LMF1: variants seen among roughly 807,000 people sequenced by gnomAD.
LMF1 encodes the protein lipase maturation factor 1, also known as transmembrane protein 112.
Under a neutral mutation model 60.6 loss-of-function variants are expected in LMF1, and 68 were observed. That is an observed-to-expected ratio of 1.12 (90% confidence interval 0.92 to 1.37). LMF1 has a LOEUF of 1.37. Among genes scored for constraint, LMF1 ranks in the 40% most tolerant of loss-of-function variants. LMF1 has a pLI of 0.00. For synonymous variants in LMF1, 418 were observed against 324.7 expected (o/e 1.29, Z -3.09); for missense variants, 948 against 767.2 (o/e 1.24, Z -2.78).
intron 1 of LMF1, among the ~76,000 whole-genome samples, chr16:964,983 G>A (rs755795089): frequency 6.6e-5 from 10 of 152,246 alleles, no homozygotes; most frequent in Admixed American, 1.3e-4. Flanking sequence ...CACGCCTAAA[G>A]GACAAAACTA....
At chr16:927,274 G>A (rs2071637651) in intron 3 of LMF1, among the ~76,000 whole-genome samples, 1 of 152,200 alleles carries the variant, frequency 6.6e-6, no homozygotes, top group Non-Finnish European at 1.5e-5. Context: ...TCCTTCCTAT[G>A]AAGAACACGA....
At chr16:979,496 G>A (rs1419210165) in intron 1 of LMF1, 3 of 375,818 alleles carry the variant, frequency 8.0e-6, no homozygotes, top group African/African-American at 2.1e-5. Flanking sequence ...GTTGGAGCCT[G>A]AGGCAGGGTC....
At chr16:862,449 A>C (rs2151689889) in intron 10 of LMF1, among the ~76,000 whole-genome samples, 1 of 152,248 alleles carries the variant, frequency 6.6e-6, no homozygotes, top group African/African-American at 2.4e-5. Flanking sequence ...CAGTCTATTT[A>C]GTAATATTTT....
At chr16:951,771 C>A (rs1474809033) in intron 2 of LMF1, among the ~76,000 whole-genome samples, 3 of 152,258 alleles carry the variant, frequency 2.0e-5, no homozygotes, top group African/African-American at 7.2e-5. Context: ...CCAGTGAAGA[C>A]TGCAGAGCGA....
intron 1 of LMF1, among the ~76,000 whole-genome samples, chr16:977,391 G>A (rs1308457710): frequency 2.0e-5 from 3 of 152,182 alleles, no homozygotes; most frequent in Non-Finnish European, 4.4e-5. Flanking sequence ...CCCGTCCGGG[G>A]GCGGGGCCTT....
At chr16:868,704 A>T (rs1490676732) in intron 10 of LMF1, among the ~76,000 whole-genome samples, 3 of 129,980 alleles carry the variant, frequency 2.3e-5, no homozygotes, top group African/African-American at 5.8e-5. Context: ...TCCTCTCACC[A>T]CGGCTGGTTT....
In LMF1 at chr16:854,544, G is replaced by T; in HGVS notation, c.1692C>A (p.Pro564=). Residue 564 remains proline (P), a synonymous_variant, in exon 11 of 11, where the codon CCC becomes CCA. Transcript: ENST00000262301. ...TTCTGGTGCACGTCTAGAGGGGCCC[G>T]GGCAGAGGCCACCCACGGTCCCTGA... ...PYFRDRGWPL[P]GPL The T allele has an allele frequency of 6.2e-7, 1 of 1,607,606 alleles. No homozygotes were observed.
At chr16:938,535 T>G (rs1036445714) in intron 2 of LMF1, among the ~76,000 whole-genome samples, 2 of 152,218 alleles carry the variant, frequency 1.3e-5, no homozygotes, top group African/African-American at 4.8e-5. Flanking sequence ...ACCCTAATGT[T>G]TAAGTTCATA....
rs60283096 is a variant in LMF1 at position 945,211 on chromosome 16, C to CAAA, written c.503+9143_503+9145dup. 1.5e-3 allele frequency among the ~76,000 whole-genome samples: 117 copies of CAAA among 79,010 alleles called. 2 individuals are homozygous for CAAA. The highest frequency in any genetic ancestry group is 6.2e-3 in the African/African-American group (107 of 17,208). The allele number at this position is 79,010 out of a possible 152,430, so 51.8% of individuals were successfully genotyped here. On this transcript the variant is annotated intron_variant, in intron 2 of 10. Transcript: ENST00000262301. ...GGGCGACAAGAGCGAGACTCCATCT[C>CAAA]AAAAAAAAAAAAAAAAAGGAAAATA...
chr16:950,048 C>G (rs541126866), intron 2 of LMF1, among the ~76,000 whole-genome samples: 3 of 67,270 alleles, frequency 4.5e-5, no homozygotes, highest in Admixed American at 1.6e-4. Flanking sequence ...GAGTCAGAGC[C>G]AACGACAGAG....
chr16:980,357 C>G (rs897194823), intron 1 of LMF1: 3 of 153,238 alleles, frequency 2.0e-5, no homozygotes, highest in African/African-American at 7.2e-5. Flanking sequence ...GCGTCCTGTG[C>G]GGTCGGTGGC....
chr16:957,737 C>T (rs12595928), intron 1 of LMF1, among the ~76,000 whole-genome samples: 1,921 of 152,258 alleles, frequency 0.013, 37 homozygotes, highest in South Asian at 0.11. Context: ...AAGGAAGAGC[C>T]GCAGAACTCA....
chr16:856,193 T>C, intron 10 of LMF1: 2 of 350,662 alleles, frequency 5.7e-6, no homozygotes, highest in Non-Finnish European at 1.1e-5. Context: ...CCCACTGCCC[T>C]GGGCCCCAGG....
intron 10 of LMF1, among the ~76,000 whole-genome samples, chr16:860,949 T>C (rs1769526425): frequency 6.6e-6 from 1 of 152,214 alleles, no homozygotes; most frequent in South Asian, 2.1e-4. Context: ...TTAGCTATTT[T>C]TGCTCCTTTA....
intron 2 of LMF1, among the ~76,000 whole-genome samples, chr16:946,310 G>C (rs749156268): frequency 6.6e-6 from 1 of 152,338 alleles, no homozygotes; most frequent in East Asian, 1.9e-4. Context: ...TGTGCTTTCC[G>C]AATTCACTGT....
At chr16:856,974 G>A (rs758646561) in intron 10 of LMF1, among the ~76,000 whole-genome samples, 3 of 152,208 alleles carry the variant, frequency 2.0e-5, no homozygotes, top group South Asian at 4.1e-4. Context: ...CCCGACCTTC[G>A]GCCTCCTTGT....
At chr16:940,260 T>C (rs1421570583) in intron 2 of LMF1, among the ~76,000 whole-genome samples, 1 of 152,076 alleles carries the variant, frequency 6.6e-6, no homozygotes, top group African/African-American at 2.4e-5. Context: ...GAAGAGTAAG[T>C]GTTTCTTGTT....
chr16:925,107 C>T (rs1040412655), intron 3 of LMF1, among the ~76,000 whole-genome samples: 7 of 152,328 alleles, frequency 4.6e-5, no homozygotes, highest in South Asian at 2.1e-4. Context: ...GTGACGAAAC[C>T]GCCCTCTTCA....
intron 2 of LMF1, among the ~76,000 whole-genome samples, chr16:943,097 C>T (rs976319589): frequency 3.3e-5 from 5 of 152,178 alleles, no homozygotes; most frequent in African/African-American, 1.2e-4. Flanking sequence ...CTCGGCCGGG[C>T]ACGGTGGCTC....
Sources: allele counts gnomAD v4.1 joint callset (sites outside exome capture counted in the v4.1 genomes callset), GRCh38; gene constraint gnomAD v4.1.1; transcripts MANE v1.5; gene names NCBI Gene and HGNC (gene_info 2026-07-23, HGNC 2026-07-21).